Variants in MYT1L observed in about 807,000 individuals in gnomAD.
MYT1L encodes myelin transcription factor 1-like protein.
MYT1L carries 12 observed loss-of-function variants against 126.7 expected under a neutral mutation model. The observed-to-expected ratio is 0.09, with a 90% CI of 0.06 to 0.15. MYT1L has a LOEUF of 0.15. MYT1L is among the 10% of genes least tolerant of loss of function. The pLI, the probability that MYT1L is intolerant of heterozygous loss-of-function variation, is 1.00. For synonymous variants in MYT1L, 541 were observed against 604.2 expected (o/e 0.90, Z 1.53); for missense variants, 979 against 1,585.2 (o/e 0.62, Z 6.49).
At chr2:1,812,346 G>C (rs946625119) in intron 21 of MYT1L, among the ~76,000 whole-genome samples, 1 of 152,242 alleles carries the variant, frequency 6.6e-6, no homozygotes, top group Non-Finnish European at 1.5e-5. Context: ...GTATTCTTGA[G>C]GGCAAGGATT....
intron 18 of MYT1L, among the ~76,000 whole-genome samples, chr2:1,853,405 T>C (rs1241764586): frequency 2.6e-5 from 4 of 152,252 alleles, no homozygotes; most frequent in Admixed American, 2.0e-4. Flanking sequence ...TGTTCACATA[T>C]ACTTAAAGTT....
At chr2:2,003,034 A>G (rs1477031207) in intron 4 of MYT1L, among the ~76,000 whole-genome samples, 1 of 152,182 alleles carries the variant, frequency 6.6e-6, no homozygotes, top group South Asian at 2.1e-4. Context: ...TTGTAGCAGC[A>G]TGAGAATGGA....
At chr2:2,232,331 A>G (rs2094181075) in intron 2 of MYT1L, among the ~76,000 whole-genome samples, 1 of 152,246 alleles carries the variant, frequency 6.6e-6, no homozygotes, top group Non-Finnish European at 1.5e-5. Context: ...TGTGACAAAC[A>G]CAACAAGAAC....
At chr2:1,883,772 C>G (rs547640269) in intron 18 of MYT1L, 9 of 152,254 alleles carry the variant, frequency 5.9e-5, no homozygotes, top group South Asian at 2.1e-4. Context: ...CGAAGTGTCC[C>G]TTTTACCCTG....
At chr2:1,891,775 G>C (rs531854908) in intron 15 of MYT1L, among the ~76,000 whole-genome samples, 5 of 152,344 alleles carry the variant, frequency 3.3e-5, no homozygotes, top group African/African-American at 1.2e-4. Context: ...GGATCCTGGA[G>C]AGAAGGATCC....
intron 21 of MYT1L, among the ~76,000 whole-genome samples, chr2:1,819,356 T>A (rs1234890327): frequency 6.6e-6 from 1 of 152,258 alleles, no homozygotes; most frequent in Non-Finnish European, 1.5e-5. Flanking sequence ...GGTGAGCTGC[T>A]GTAAATGCTT....
intron 3 of MYT1L, among the ~76,000 whole-genome samples, chr2:2,149,010 G>C (rs2085323925): frequency 6.6e-6 from 1 of 151,900 alleles, no homozygotes; most frequent in Non-Finnish European, 1.5e-5. Flanking sequence ...ATATGTTCTG[G>C]AGGCGGCTGT....
chr2:2,022,669 C>G (rs1647774359), intron 4 of MYT1L, among the ~76,000 whole-genome samples: 1 of 151,420 alleles, frequency 6.6e-6, no homozygotes, highest in South Asian at 2.1e-4. Flanking sequence ...CGTTCCTGCT[C>G]TAAAGCTTTT....
chr2:2,245,164 C>G (rs970810643), intron 2 of MYT1L, among the ~76,000 whole-genome samples: 1 of 152,032 alleles, frequency 6.6e-6, no homozygotes, highest in Non-Finnish European at 1.5e-5. Context: ...AAAATAGGCA[C>G]AGGGGATGAA....
At chr2:2,147,969 A>T (rs1230494484) in intron 3 of MYT1L, among the ~76,000 whole-genome samples, 1 of 152,224 alleles carries the variant, frequency 6.6e-6, no homozygotes, top group Non-Finnish European at 1.5e-5. Context: ...TTTAAACTGC[A>T]TCTGAATCTG....
At chr2:2,103,332 G>A (rs527831454) in intron 3 of MYT1L, among the ~76,000 whole-genome samples, 1 of 152,298 alleles carries the variant, frequency 6.6e-6, no homozygotes, top group South Asian at 2.1e-4. Flanking sequence ...TAATCCTGGT[G>A]CTTGTCCTGA....
intron 18 of MYT1L, among the ~76,000 whole-genome samples, chr2:1,869,528 C>T (rs951974369): frequency 1.3e-5 from 2 of 152,226 alleles, no homozygotes; most frequent in African/African-American, 4.8e-5. Flanking sequence ...ACACACTTCA[C>T]AGGCTCCAAG....
chr2:2,118,975 T>A (rs753581078), intron 3 of MYT1L, among the ~76,000 whole-genome samples: 1 of 152,268 alleles, frequency 6.6e-6, no homozygotes, highest in Non-Finnish European at 1.5e-5. Flanking sequence ...CCAGGGCGCA[T>A]GGTTGCTTCC....
At chr2:2,107,765 A>G (rs2078926467) in intron 3 of MYT1L, among the ~76,000 whole-genome samples, 1 of 152,296 alleles carries the variant, frequency 6.6e-6, no homozygotes, top group Non-Finnish European at 1.5e-5. Flanking sequence ...GATTCTCAGA[A>G]TAGACGTTGA....
chr2:1,798,697 C>T (rs547201308), intron 23 of MYT1L, among the ~76,000 whole-genome samples: 3 of 152,326 alleles, frequency 2.0e-5, no homozygotes, highest in African/African-American at 7.2e-5. Flanking sequence ...TGAGGGTGTG[C>T]GGGCCTGAGA....
chr2:1,989,463 G>A (rs776977717), intron 5 of MYT1L, among the ~76,000 whole-genome samples: 1 of 152,162 alleles, frequency 6.6e-6, no homozygotes, highest in Non-Finnish European at 1.5e-5. Context: ...CCCTCAGCAT[G>A]GCACTTGGCA....
intron 1 of MYT1L, among the ~76,000 whole-genome samples, chr2:2,289,304 C>T (rs2095565387): frequency 6.6e-6 from 1 of 152,140 alleles, no homozygotes; most frequent in Non-Finnish European, 1.5e-5. Context: ...TCAAGCTTAC[C>T]TATTTATAAT....
intron 3 of MYT1L, among the ~76,000 whole-genome samples, chr2:2,140,426 CT>C (rs1287890129): frequency 8.5e-4 from 114 of 133,406 alleles, no homozygotes; most frequent in African/African-American, 3.0e-3. Flanking sequence ...TTTTTTCTTT[CT>C]TTTTCTTTTT....
At chr2:2,149,166 T>C (rs2085348453) in intron 3 of MYT1L, among the ~76,000 whole-genome samples, 1 of 152,208 alleles carries the variant, frequency 6.6e-6, no homozygotes, top group South Asian at 2.1e-4. Flanking sequence ...GGTTTCTCAA[T>C]TATGTTCTTC....
Sources: allele counts gnomAD v4.1 joint callset (sites outside exome capture counted in the v4.1 genomes callset), GRCh38; gene constraint gnomAD v4.1.1; transcripts MANE v1.5; gene names NCBI Gene and HGNC (gene_info 2026-07-23, HGNC 2026-07-21).